The following DSCAM variants were observed in gnomAD, a reference collection of about 807,000 sequenced individuals.
DSCAM encodes the protein DS cell adhesion molecule, also known as cell adhesion molecule DSCAM.
Under a neutral mutation model 217.7 loss-of-function variants are expected in DSCAM, and 47 were observed. The observed-to-expected ratio is 0.22, with a 90% CI of 0.17 to 0.28. The LOEUF (loss-of-function observed/expected upper bound fraction) is 0.28. Among genes scored for constraint, DSCAM ranks in the 10% least tolerant of loss-of-function variants. The pLI, the probability that DSCAM is intolerant of heterozygous loss-of-function variation, is 1.00. For synonymous variants in DSCAM, 1,056 were observed against 1,015.3 expected, an observed-to-expected ratio of 1.04 and a Z score of -0.76; for missense variants, 2,080 against 2,618.3, an observed-to-expected ratio of 0.79 and a Z score of 4.49.
intron 3 of DSCAM, among the ~76,000 whole-genome samples, chr21:40,423,167 C>T (rs999829446): frequency 2.0e-5 from 3 of 152,126 alleles, no homozygotes; most frequent in Admixed American, 2.0e-4. Flanking sequence ...ATTTATGTAC[C>T]CTCTTCTGAC....
chr21:40,116,834 C>T (rs2089976519), intron 20 of DSCAM, among the ~76,000 whole-genome samples: 1 of 151,156 alleles, frequency 6.6e-6, no homozygotes, highest in Admixed American at 6.6e-5. Flanking sequence ...AACCTCATCT[C>T]TACTAAAAAT....
intron 1 of DSCAM, among the ~76,000 whole-genome samples, chr21:40,787,600 A>G (rs1332670967): frequency 6.6e-6 from 1 of 152,166 alleles, no homozygotes; most frequent in African/African-American, 2.4e-5. Context: ...CATTCCACTC[A>G]TATATATTGA....
At chr21:40,474,731 T>C (rs1004122301) in intron 3 of DSCAM, among the ~76,000 whole-genome samples, 2 of 152,156 alleles carry the variant, frequency 1.3e-5, no homozygotes, top group Admixed American at 6.5e-5. Context: ...CCCCCAGACA[T>C]AATAAATAAT....
At chr21:40,169,481 A>T (rs1485159622) in intron 15 of DSCAM, among the ~76,000 whole-genome samples, 1 of 152,022 alleles carries the variant, frequency 6.6e-6, no homozygotes, top group East Asian at 1.9e-4. Context: ...AGATGCAGGG[A>T]TTGCTACTCC....
At chr21:40,371,469 G>T (rs993656440) in intron 3 of DSCAM, among the ~76,000 whole-genome samples, 1 of 151,784 alleles carries the variant, frequency 6.6e-6, no homozygotes, top group Non-Finnish European at 1.5e-5. Context: ...CCTTCTTAGC[G>T]TGGAGTATTT....
chr21:40,190,052 C>A (rs978704386), intron 11 of DSCAM, among the ~76,000 whole-genome samples: 1 of 152,172 alleles, frequency 6.6e-6, no homozygotes, highest in African/African-American at 2.4e-5. Flanking sequence ...ATAAACCTTG[C>A]AAACCTTTAT....
At chr21:40,419,238 C>T (rs1047145718) in intron 3 of DSCAM, among the ~76,000 whole-genome samples, 2 of 151,920 alleles carry the variant, frequency 1.3e-5, no homozygotes, top group African/African-American at 4.8e-5. Flanking sequence ...GCCTCAGCCT[C>T]CCAAAGTGCT....
intron 3 of DSCAM, among the ~76,000 whole-genome samples, chr21:40,622,547 T>TGAAA (rs1295311205): frequency 6.6e-6 from 1 of 152,170 alleles, no homozygotes; most frequent in Non-Finnish European, 1.5e-5. Context: ...TTGATCCCCA[T>TGAAA]TTCAACTGTT....
At position 40,389,089 on chromosome 21, in the gene DSCAM, C is replaced by T. The variant is rs140816525; in HGVS notation, c.509-19844G>A. On this transcript the variant is annotated intron_variant, in intron 3 of 32. Coordinates refer to ENST00000400454, the MANE Select transcript of DSCAM (RefSeq NM_001389.5). ...GCATAAAAGATGAATAGAAATCCCC[C>T]GTGTTTTAAGATAATTTGCTCTCTT... Among the ~76,000 whole-genome samples the T allele has an allele frequency of 5.6e-3, 849 of 152,246 alleles. 15 individuals are homozygous for T. Among genetic ancestry groups the T allele is most frequent in the African/African-American group, 0.019 (807 of 41,540 alleles).
chr21:40,478,499 T>C (rs950397279), intron 3 of DSCAM, among the ~76,000 whole-genome samples: 5 of 152,188 alleles, frequency 3.3e-5, no homozygotes, highest in South Asian at 4.1e-4. Context: ...AATAGCAAAT[T>C]GTAAAAAGTT....
intron 1 of DSCAM, among the ~76,000 whole-genome samples, chr21:40,821,558 T>C (rs2091928491): frequency 6.6e-6 from 1 of 152,166 alleles, no homozygotes; most frequent in South Asian, 2.1e-4. Flanking sequence ...TCCTTTCTCC[T>C]CTATGTTTAT....
chr21:40,443,791 T>G (rs1211071358), intron 3 of DSCAM, among the ~76,000 whole-genome samples: 2 of 152,200 alleles, frequency 1.3e-5, no homozygotes, highest in Non-Finnish European at 2.9e-5. Context: ...TTGTAGTGAT[T>G]ACAAGTGACA....
intron 6 of DSCAM, among the ~76,000 whole-genome samples, chr21:40,341,717 A>T (rs1012179228): frequency 6.6e-6 from 1 of 152,200 alleles, no homozygotes; most frequent in Non-Finnish European, 1.5e-5. Context: ...CATATATATC[A>T]TCATAATCAG....
intron 3 of DSCAM, among the ~76,000 whole-genome samples, chr21:40,691,368 G>A (rs1232151817): frequency 1.3e-5 from 2 of 152,180 alleles, no homozygotes; most frequent in East Asian, 3.9e-4. Flanking sequence ...AGGTCACCGA[G>A]TCCGGAAGAT....
chr21:40,356,244 T>C (rs952071004), intron 4 of DSCAM, among the ~76,000 whole-genome samples: 5 of 152,326 alleles, frequency 3.3e-5, no homozygotes, highest in African/African-American at 1.2e-4. Context: ...GCACAGTGAC[T>C]ACAGTTAATA....
chr21:40,071,821 C>T (rs979935654), intron 27 of DSCAM, among the ~76,000 whole-genome samples: 1 of 152,214 alleles, frequency 6.6e-6, no homozygotes, highest in African/African-American at 2.4e-5. Context: ...CTAATGCACT[C>T]CGGATATTTA....
intron 3 of DSCAM, among the ~76,000 whole-genome samples, chr21:40,530,732 C>A (rs949750021): frequency 6.6e-6 from 1 of 152,146 alleles, no homozygotes; most frequent in Non-Finnish European, 1.5e-5. Flanking sequence ...TTTCCTCAGG[C>A]CCCTCCTAGA....
chr21:40,068,741 T>C (rs1009420585), intron 27 of DSCAM, among the ~76,000 whole-genome samples: 1 of 152,192 alleles, frequency 6.6e-6, no homozygotes, highest in Non-Finnish European at 1.5e-5. Flanking sequence ...CCTGGACTCA[T>C]ATGTGATTCT....
chr21:40,679,885 T>C (rs889503297), intron 3 of DSCAM, among the ~76,000 whole-genome samples: 1 of 152,216 alleles, frequency 6.6e-6, no homozygotes, highest in Non-Finnish European at 1.5e-5. Context: ...AATTCTTAAA[T>C]AGAACTACTT....
Sources: allele counts gnomAD v4.1 joint callset (sites outside exome capture counted in the v4.1 genomes callset), GRCh38; gene constraint gnomAD v4.1.1; transcripts MANE v1.5; gene names NCBI Gene and HGNC (gene_info 2026-07-23, HGNC 2026-07-21).